MDC1: variants seen among roughly 807,000 people sequenced by gnomAD.
MDC1 encodes mediator of DNA damage checkpoint 1.
In MDC1, 81 loss-of-function variants were observed where a neutral mutation model predicts 142.5. That is an observed-to-expected ratio of 0.57 (90% CI 0.47 to 0.68). The LOEUF is 0.68. Ranked by LOEUF, MDC1 falls within the 30% of genes least tolerant of loss-of-function variation. The pLI is 0.00. For synonymous variants in MDC1, 797 were observed against 968.4 expected, an observed-to-expected ratio of 0.82 and a Z score of 3.29; for missense variants, 2,119 against 2,547.9, an observed-to-expected ratio of 0.83 and a Z score of 3.62.
Position 30,712,517 on chromosome 6 carries a change from T to G in MDC1, c.1425A>C (p.Thr475=). ...ENREAVLKDH[T]KIRALVRAHS... ...GTGCTCTAACAAGGGCTCTAATCTT[T>G]GTGTGATCCTTGAGGACAGCTTCTC... Residue 475 remains threonine (T), a synonymous_variant, in exon 5 of 15, where the codon ACA becomes ACC. Coordinates refer to ENST00000376406, the MANE Select transcript of MDC1 (RefSeq NM_014641.3). This position sits in a 1 kb window ranked among gnomAD's most constrained non-coding sequence, Gnocchi z 4.7. The G allele has an allele frequency of 6.2e-7, 1 of 1,613,050 alleles. No homozygotes were observed. Among genetic ancestry groups the G allele is most frequent in the Non-Finnish European group, 8.5e-7 (1 of 1,180,024 alleles).
Position 30,707,682 on chromosome 6 carries a change from G to A in MDC1, c.2897C>T (p.Thr966Ile), listed in dbSNP as rs779535026. 7 of 1,612,966 alleles carry A rather than the reference G, an allele frequency of 4.3e-6. No homozygotes were observed. In the African/African-American group the frequency reaches 5.3e-5, roughly 12 times the overall value. ...CCCCGCCCCCACCCCAGGCTCTGGT[G>A]TTGGGCTGGAGGCCTGCCCTTTCTG... Reference protein sequence around the residue: ...QDQKGQASSPTPEPGVGAGDL... With the variant: ...QDQKGQASSPIPEPGVGAGDL... Residue 966 changes from threonine to isoleucine, a missense_variant, in exon 8 of 15, where the codon ACA becomes ATA. By Grantham distance (89) the Thr-to-Ile change is moderately conservative (BLOSUM62 -1). Coordinates refer to ENST00000376406, the MANE Select transcript of MDC1 (RefSeq NM_014641.3).
In MDC1 at chr6:30,703,058, C is replaced by T; in HGVS notation, c.5865+46G>A. The T allele has an allele frequency of 6.3e-7, 1 of 1,592,448 alleles. No homozygotes were observed. The highest frequency in any genetic ancestry group is 8.6e-7 in the Non-Finnish European group (1 of 1,166,824). On this transcript the variant is annotated intron_variant, in intron 12 of 14. Coordinates refer to ENST00000376406, the MANE Select transcript of MDC1 (RefSeq NM_014641.3). This position sits in a 1 kb window ranked among gnomAD's most constrained non-coding sequence, Gnocchi z 4.4. ...ACCACTTTCTAGGGCACTATATGAG[C>T]AGTCTTGCCACTATATCGGTCTGTC... is the stretch of plus-strand genomic sequence containing the variant.
Position 30,703,090 on chromosome 6 carries a change from C to G in MDC1, c.5865+14G>C. ...GCCACTATATCGGTCTGTCATCATC[C>G]CTTGGCCTCTCACCTGATGCAGCCA... On this transcript the variant is annotated intron_variant, in intron 12 of 14. Coordinates refer to ENST00000376406, the MANE Select transcript of MDC1 (RefSeq NM_014641.3). The surrounding 1 kb of genome is among the most constrained non-coding windows in gnomAD (Gnocchi z 4.4). The G allele has an allele frequency of 6.2e-7, 1 of 1,609,884 alleles. No individual in the cohort carries two copies. Among genetic ancestry groups the G allele is most frequent in the Non-Finnish European group, 8.5e-7 (1 of 1,177,900 alleles).
intron 14 of MDC1, among the ~76,000 whole-genome samples, chr6:30,702,156 G>T (rs1224552308): frequency 6.6e-6 from 1 of 150,786 alleles, no homozygotes; most frequent in Non-Finnish European, 1.5e-5. Flanking sequence ...CCAGCTACTC[G>T]GGAGGCTGAG....
Position 30,712,851 on chromosome 6 carries a change from G to C in MDC1, c.1091C>G (p.Pro364Arg). The stretch of plus-strand genomic sequence containing the variant: ...GCTCTCCTGCAGATGGGCCAGGCCT[G>C]GTGCTCCAGGACCCCTTGTACCTAC... ...HGVGTRGPGA[P>R]GLAHLQESQA... Residue 364 changes from proline to arginine, a missense_variant, in exon 5 of 15, where the codon CCA (proline) becomes CGA (arginine). By Grantham distance (103) the Pro-to-Arg change is moderately radical (BLOSUM62 -2). Coordinates refer to ENST00000376406, the MANE Select transcript of MDC1 (RefSeq NM_014641.3). This position sits in a 1 kb window ranked among gnomAD's most constrained non-coding sequence, Gnocchi z 4.7. The C allele has an allele frequency of 6.2e-7, 1 of 1,613,040 alleles. No individual in the cohort carries two copies. The highest frequency in any genetic ancestry group is 8.5e-7 in the Non-Finnish European group (1 of 1,180,026).
intron 9 of MDC1, among the ~76,000 whole-genome samples, chr6:30,706,727 G>A (rs1773924985): frequency 6.6e-6 from 1 of 151,190 alleles, no homozygotes; most frequent in Non-Finnish European, 1.5e-5. Flanking sequence ...AACCCGGGAG[G>A]CAGAGGTTGC....
rs183016113 is a variant in MDC1 at position 30,701,988 on chromosome 6, C to G, written c.6102+565G>C. Among the ~76,000 whole-genome samples the G allele has an allele frequency of 1.2e-4, 18 of 151,916 alleles. No homozygotes were observed. In the East Asian group the frequency reaches 3.1e-3, roughly 26 times the overall value. On this transcript the variant is annotated intron_variant, in intron 14 of 14. Transcript: ENST00000376406. ...AAGAAAATCAAAGGAAAAAGCCGGG[C>G]GCGGTGGCTCACGCCTGTAATCCCA...
rs1056041696 is a variant in MDC1 at position 30,711,807 on chromosome 6, C to T, written c.2068+67G>A. On this transcript the variant is annotated intron_variant, in intron 5 of 14. Coordinates refer to ENST00000376406, the MANE Select transcript of MDC1 (RefSeq NM_014641.3). ...CTCCTTAAATAATCTCTACCTTTCT[C>T]TCCCCAACCCCAGCTGTTAGAACCC... 1.9e-6 allele frequency: 3 copies of T among 1,564,110 alleles called. No individual in the cohort carries two copies. The African/African-American group carries it at 4.1e-5, about 21-fold the overall frequency.
Position 30,712,731 on chromosome 6 carries a change from G to A in MDC1, c.1211C>T (p.Thr404Ile). ...TGCTGAGACTTCTTCCTCGTCATCT[G>A]TATCGCTGTTGATAACCATGGAAGC... is the stretch of plus-strand genomic sequence containing the variant. ...SQASMVINSD[T>I]DDEEEVSAAL... is the part of the protein sequence containing the mutation. Residue 404 changes from threonine to isoleucine, a missense_variant, in exon 5 of 15, where the codon ACA becomes ATA. Coordinates refer to ENST00000376406, the MANE Select transcript of MDC1 (RefSeq NM_014641.3). The surrounding 1 kb of genome is among the most constrained non-coding windows in gnomAD (Gnocchi z 4.7). The A allele has an allele frequency of 6.2e-7, 1 of 1,613,062 alleles. No individual in the cohort carries two copies. The highest frequency in any genetic ancestry group is 8.5e-7 in the Non-Finnish European group (1 of 1,180,040).
At chr6:30,708,996 G>A (rs1581590624) in intron 7 of MDC1, among the ~76,000 whole-genome samples, 1 of 145,738 alleles carries the variant, frequency 6.9e-6, no homozygotes, top group Non-Finnish European at 1.5e-5. Context: ...AAGAAAGAAA[G>A]AAAGAAAGAA....
At position 30,713,344 on chromosome 6, in the gene MDC1, C is replaced by A. The variant is rs746627701; in HGVS notation, c.598G>T (p.Gly200Trp). The A allele has an allele frequency of 1.3e-6, 2 of 1,577,908 alleles. No homozygotes were observed. The highest frequency in any genetic ancestry group is 2.2e-5 in the East Asian group (1 of 44,602). Reference protein sequence around the residue: ...SVIVPESDEEGHSPVLGGLGP... With the variant: ...SVIVPESDEEWHSPVLGGLGP... The stretch of plus-strand genomic sequence containing the variant: ...AGGCCGCCCAGGACCGGGGAATGCC[C>A]CTCTTCATCACTGTGAAGGGAAGAA... The change falls in exon 5 of 15, where the codon GGG becomes TGG. Residue 200 changes from glycine (G) to tryptophan (W), a missense_variant. Physicochemically the swap from Gly to Trp is radical, Grantham distance 184 (BLOSUM62 -2). Transcript: ENST00000376406. The surrounding 1 kb of genome is among the most constrained non-coding windows in gnomAD (Gnocchi z 4.9).
rs761836754 is a variant in MDC1, at chr6:30,705,034, G to T, written c.4149C>A (p.Val1383=). 1 of 1,609,254 alleles carries T rather than the reference G, an allele frequency of 6.2e-7. No homozygotes were observed. The highest frequency in any genetic ancestry group is 1.7e-5 in the Admixed American group (1 of 59,332). ...LPPSTSTEQP[V]TPEPTSRATR... is the part of the protein sequence containing the mutation. The stretch of plus-strand genomic sequence containing the variant: ...TAGCCCGAGATGTGGGCTCAGGGGT[G>T]ACAGGCTGCTCTGTGGAGGTGGAAG... The change falls in exon 10 of 15, where the codon GTC becomes GTA. Residue 1383 remains valine (V), a synonymous_variant. Transcript: ENST00000376406.
At chr6:30,702,498 C>T in intron 14 of MDC1, 55 bp downstream of exon 14, 4 of 1,375,780 alleles carry the variant, frequency 2.9e-6, no homozygotes, top group Non-Finnish European at 3.9e-6. Flanking sequence ...CCATTCCAGC[C>T]ACCTCTTTAA....
rs751891927 is a variant in MDC1, at chr6:30,711,981, G to A, written c.1961C>T (p.Thr654Ile). Residue 654 changes from threonine to isoleucine, a missense_variant, in exon 5 of 15, where the codon ACT becomes ATT. Transcript: ENST00000376406. Reference sequence around the variant, plus strand: ...CTGTGGCTGGGTGGATTCCCCTAGAGTGTCTGTGTCCACCACCAGATCTGT... The same window carrying A: ...CTGTGGCTGGGTGGATTCCCCTAGAATGTCTGTGTCCACCACCAGATCTGT... ...NLTDLVVDTD[T>I]LGESTQPQRE... 7 of 1,596,050 alleles carry A rather than the reference G, an allele frequency of 4.4e-6. No individual in the cohort carries two copies. Among genetic ancestry groups the A allele is most frequent in the South Asian group, 2.3e-5 (2 of 88,526 alleles).
At chr6:30,710,480 C>G (rs1257672396) in intron 7 of MDC1, among the ~76,000 whole-genome samples, 2 of 151,878 alleles carry the variant, frequency 1.3e-5, no homozygotes, top group African/African-American at 4.8e-5. Context: ...TCACTGCAAC[C>G]TCTGCCTCCT....
Position 30,700,612 on chromosome 6 carries a change from T to G in MDC1, c.6123A>C (p.Thr2041=), listed in dbSNP as rs1772460757. The G allele has an allele frequency of 6.2e-7, 1 of 1,612,792 alleles. No individual in the cohort carries two copies. The highest frequency in any genetic ancestry group is 1.3e-5 in the African/African-American group (1 of 74,894). Residue 2041 remains threonine, a synonymous_variant, in exon 15 of 15, where the codon ACA becomes ACC. Transcript: ENST00000376406. ...RSYKPQRVVI[T]CPQDFPHCSI... is the part of the protein sequence containing the mutation. Reference sequence around the variant, plus strand: ...AGCAATGAGGGAAGTCCTGAGGGCATGTGATCACAACTCTCTGAGGCTGGG... The same window carrying G: ...AGCAATGAGGGAAGTCCTGAGGGCAGGTGATCACAACTCTCTGAGGCTGGG...
chr6:30,707,862 T>G lies in MDC1; in HGVS notation c.2717A>C (p.Gln906Pro), dbSNP rs1160832986. 51 of 1,613,038 alleles carry G rather than the reference T, an allele frequency of 3.2e-5. No individual in the cohort carries two copies. The highest frequency in any genetic ancestry group is 4.2e-5 in the Non-Finnish European group (49 of 1,180,056). ...TSEEIQEKQV[Q>P]KQTLPSKAFE... The stretch of plus-strand genomic sequence containing the variant: ...TGCTTTGCTTGGAAGGGTCTGCTTC[T>G]GTACTTGTTTCTCTTGTATTTCCTC... Residue 906 changes from glutamine to proline, a missense_variant, in exon 8 of 15, where the codon CAG (glutamine) becomes CCG (proline). Gln to Pro is a moderately conservative substitution (Grantham distance 76). Transcript: ENST00000376406.
rs1211747955 is a variant in MDC1, at chr6:30,715,630, C to T, written c.-3-452G>A. Among the ~76,000 whole-genome samples, 3 of 152,190 alleles carry T rather than the reference C, an allele frequency of 2.0e-5. No individual in the cohort carries two copies. Among genetic ancestry groups the T allele is most frequent in the East Asian group, 3.9e-4 (2 of 5,194 alleles). ...CTGGGATTACAGGCGTGAGCCACTG[C>T]GCCCCGTTGTTTTTCTTTCTTTTTT... On this transcript the variant is annotated intron_variant, in intron 1 of 14. Transcript: ENST00000376406. The surrounding 1 kb of genome is among the most constrained non-coding windows in gnomAD (Gnocchi z 4.1).
In MDC1 at chr6:30,715,013, A is replaced by G. The variant is rs750654645; in HGVS notation, c.136+27T>C. On this transcript the variant is annotated intron_variant, in intron 2 of 14. Transcript: ENST00000376406. The surrounding 1 kb of genome is among the most constrained non-coding windows in gnomAD (Gnocchi z 4.1). ...CCACAAAAATAAAAGATCTATATCAATACTTGAACATCCAATACCCTCTGA... is the reference window on the plus strand; with the variant it reads ...CCACAAAAATAAAAGATCTATATCAGTACTTGAACATCCAATACCCTCTGA... 3.3e-5 allele frequency: 53 copies of G among 1,612,638 alleles called. No individual in the cohort carries two copies. The highest frequency in any genetic ancestry group is 2.0e-4 in the Admixed American group (12 of 59,988).
Sources: allele counts gnomAD v4.1 joint callset (sites outside exome capture counted in the v4.1 genomes callset), GRCh38; gene constraint gnomAD v4.1.1; non-coding constraint Gnocchi (gnomAD v3.1); transcripts MANE v1.5; gene names NCBI Gene and HGNC (gene_info 2026-07-23, HGNC 2026-07-21).